The following ZNF562 variants were observed in gnomAD, a reference collection of about 807,000 sequenced individuals.
The protein encoded by ZNF562 is zinc finger protein 562.
Under a neutral mutation model 17.5 loss-of-function variants are expected in ZNF562, and 13 were observed. The observed-to-expected ratio is 0.74, with a 90% CI of 0.48 to 1.18. The LOEUF (loss-of-function observed/expected upper bound fraction) is 1.18, where lower values mean the gene tolerates loss of function less well. ZNF562 is among the 50% of genes most tolerant of loss of function. The pLI, the probability that ZNF562 is intolerant of heterozygous loss-of-function variation, is 0.00. For synonymous variants in ZNF562, 163 were observed against 165.4 expected (o/e 0.99, Z 0.11); for missense variants, 481 against 498.5 (o/e 0.96, Z 0.33).
intron 2 of ZNF562, among the ~76,000 whole-genome samples, chr19:9,659,875 C>G (rs1401634819): frequency 8.0e-6 from 1 of 125,248 alleles, no homozygotes; most frequent in African/African-American, 3.0e-5. Flanking sequence ...GCAAATCACT[C>G]GAGGTCAGGC....
In ZNF562 at chr19:9,659,395, C is replaced by T. The variant is rs144169734; in HGVS notation, c.98G>A (p.Arg33Gln). The T allele has an allele frequency of 2.3e-3, 3,514 of 1,551,158 alleles. 3 individuals are homozygous for T. Among genetic ancestry groups the T allele is most frequent in the Non-Finnish European group, 2.6e-3 (2,988 of 1,146,720 alleles). The part of the protein sequence containing the change: ...TKIGTMVEDH[R>Q]SNSYQDSVTF... ...TCTGTTTACCTGGTAAGAATTTGACCGGTGGTCCTCTACCATCGTTCCTAT... is the reference window on the plus strand; with the variant it reads ...TCTGTTTACCTGGTAAGAATTTGACTGGTGGTCCTCTACCATCGTTCCTAT... Residue 33 changes from arginine (R) to glutamine (Q), a missense_variant, in exon 3 of 6, where the codon CGG becomes CAG. Arg to Gln is a conservative substitution (Grantham distance 43, BLOSUM62 1). Coordinates refer to ENST00000453372, the MANE Select transcript of ZNF562 (RefSeq NM_001130031.2).
chr19:9,663,611 C>G (rs1011880258), intron 1 of ZNF562, among the ~76,000 whole-genome samples: 1 of 151,926 alleles, frequency 6.6e-6, no homozygotes, highest in South Asian at 2.1e-4. Flanking sequence ...CGGAGTCTTG[C>G]TCTTATCGCC....
chr19:9,659,757 T>C (rs981025743), intron 2 of ZNF562, among the ~76,000 whole-genome samples: 8 of 151,644 alleles, frequency 5.3e-5, no homozygotes, highest in Non-Finnish European at 1.2e-4. Context: ...ATGAAGCTTA[T>C]GTAGCATTTC....
chr19:9,648,755 G>A lies in ZNF562; in HGVS notation c.*4194C>T. On this transcript the variant is annotated 3_prime_UTR_variant, in exon 6 of 6. Coordinates refer to ENST00000453372, the MANE Select transcript of ZNF562 (RefSeq NM_001130031.2). Reference sequence around the variant, plus strand: ...TGGGCTCAGGCCACCCTCCCAAGTAGCTAAAACTATAGGCATGCATCACCA... The same window carrying A: ...TGGGCTCAGGCCACCCTCCCAAGTAACTAAAACTATAGGCATGCATCACCA... 6.6e-6 allele frequency: 1 copy of A among 151,490 alleles called. No individual in the cohort carries two copies. The highest frequency in any genetic ancestry group is 6.6e-5 in the Admixed American group (1 of 15,180). The allele number at this position is 151,490 out of a possible 1,614,324, so 9.4% of individuals were successfully genotyped here.
chr19:9,665,555 G>A (rs1364130289), intron 1 of ZNF562, among the ~76,000 whole-genome samples: 3 of 152,152 alleles, frequency 2.0e-5, no homozygotes. Flanking sequence ...AGCCCTGGGA[G>A]CAGCATACTG....
chr19:9,665,575 G>A (rs1288714781), intron 1 of ZNF562, among the ~76,000 whole-genome samples: 1 of 152,138 alleles, frequency 6.6e-6, no homozygotes, highest in African/African-American at 2.4e-5. Context: ...GTAGGGGTAT[G>A]CTACACAGGT....
At chr19:9,669,752 AC>A (rs2044104827) in intron 1 of ZNF562, among the ~76,000 whole-genome samples, 1 of 150,158 alleles carries the variant, frequency 6.7e-6, no homozygotes, top group Non-Finnish European at 1.5e-5. Context: ...ACACACACAC[AC>A]ACACACACAC....
intron 2 of ZNF562, among the ~76,000 whole-genome samples, chr19:9,660,037 C>G (rs1423165366): frequency 9.3e-6 from 1 of 107,056 alleles, no homozygotes; most frequent in Non-Finnish European, 1.7e-5. Context: ...TGCAATGAGT[C>G]AAGATCATGC....
Position 9,660,831 on chromosome 19 carries a change from T to C in ZNF562, c.-87A>G, listed in dbSNP as rs1464143167. On this transcript the variant is annotated 5_prime_UTR_variant, in exon 2 of 6. Transcript: ENST00000453372. The stretch of plus-strand genomic sequence containing the variant: ...AGGGCAGCTTATGAATCTAGGTGGA[T>C]ACAGGCAATCTCCATTCCCCTTTGT... 1 of 1,415,152 alleles carries C rather than the reference T, an allele frequency of 7.1e-7. No individual in the cohort carries two copies. Among genetic ancestry groups the C allele is most frequent in the Non-Finnish European group, 9.9e-7 (1 of 1,013,586 alleles). 87.7% of individuals were successfully genotyped at this position (1,415,152 alleles called of 1,614,324 possible).
chr19:9,669,728 GCGCGCGCACACACACACA>G (rs1274628872), intron 1 of ZNF562, among the ~76,000 whole-genome samples: 6 of 84,804 alleles, frequency 7.1e-5, no homozygotes, highest in South Asian at 3.6e-4. Context: ...GCGCGCGCGC[GCGCGCGCACACACACACA>G]CACACACACA....
In ZNF562 at chr19:9,658,152, A is replaced by C; in HGVS notation, c.115-17T>G. The stretch of plus-strand genomic sequence containing the variant: ...CACTGAATCCTAAGTCATCAAACAC[A>C]TGCTGGTTTGAGCCAATGAACACTT... On this transcript the variant is annotated splice_polypyrimidine_tract_variant and intron_variant, in intron 3 of 5. Transcript: ENST00000453372. 1.9e-6 allele frequency: 3 copies of C among 1,608,866 alleles called. No individual in the cohort carries two copies. In the Admixed American group the frequency reaches 5.1e-5, roughly 27 times the overall value.
chr19:9,651,083 T>C lies in ZNF562; in HGVS notation c.*1866A>G, dbSNP rs2074861098. ...TTGTCTGAGCTGACTAAGGCAGATA[T>C]TGGTACTGAGAAGTGAGGTACTGCA... On this transcript the variant is annotated 3_prime_UTR_variant, in exon 6 of 6. Coordinates refer to ENST00000453372, the MANE Select transcript of ZNF562 (RefSeq NM_001130031.2). 1 of 152,002 alleles carries C rather than the reference T, an allele frequency of 6.6e-6. No individual in the cohort carries two copies. Among genetic ancestry groups the C allele is most frequent in the Admixed American group, 6.6e-5 (1 of 15,256 alleles). The allele number at this position is 152,002 out of a possible 1,614,324, so 9.4% of individuals were successfully genotyped here. A position where few individuals can be genotyped will look rare whatever the true frequency, so the allele number is the denominator to read the frequency against.
intron 3 of ZNF562, 172 bp from the exon 4 acceptor site, chr19:9,658,307 A>T (rs2043598921): frequency 4.1e-6 from 4 of 984,756 alleles, no homozygotes; most frequent in Non-Finnish European, 4.8e-6. Context: ...ATCAAGGTTG[A>T]CCTCCTACAG....
In ZNF562 at chr19:9,657,286, C is replaced by T. The variant is rs147097775; in HGVS notation, c.242-633G>A. Among the ~76,000 whole-genome samples the T allele has an allele frequency of 5.7e-3, 852 of 149,780 alleles. 5 individuals are homozygous for T. The highest frequency in any genetic ancestry group is 8.7e-3 in the Admixed American group (131 of 15,000). On this transcript the variant is annotated intron_variant, in intron 4 of 5. Transcript: ENST00000453372. ...ACTTAACAAAAAAACAGAACAGCTTCGGGAAGCTGAGGCAGGAGAATGGCA... is the reference window on the plus strand; with the variant it reads ...ACTTAACAAAAAAACAGAACAGCTTTGGGAAGCTGAGGCAGGAGAATGGCA...
chr19:9,669,727 C>A (rs543179706), intron 1 of ZNF562, among the ~76,000 whole-genome samples: 1,142 of 92,348 alleles, frequency 0.012, 10 homozygotes, highest in African/African-American at 0.028. Context: ...AGCGCGCGCG[C>A]GCGCGCGCAC....
In ZNF562 at chr19:9,642,694, T is replaced by G. The variant is rs1383071852; in HGVS notation, c.*10255A>C. 6.6e-6 allele frequency: 1 copy of G among 151,938 alleles called. No individual in the cohort carries two copies. Among genetic ancestry groups the G allele is most frequent in the Non-Finnish European group, 1.5e-5 (1 of 68,008 alleles). 9.4% of individuals were successfully genotyped at this position (151,938 alleles called of 1,614,324 possible). ...CTTTGTATCAAATGGGTAATAAGAC[T>G]ATGTAACAGGAACAACACAACAACA... On this transcript the variant is annotated 3_prime_UTR_variant, in exon 6 of 6. Transcript: ENST00000453372.
Position 9,643,091 on chromosome 19 carries a change from C to T in ZNF562, c.*9858G>A, listed in dbSNP as rs2074783840. On this transcript the variant is annotated 3_prime_UTR_variant, in exon 6 of 6. Coordinates refer to ENST00000453372, the MANE Select transcript of ZNF562 (RefSeq NM_001130031.2). ...ACACCACCGGCCACTGTGGCTCATT[C>T]CTGTAATCCCAGCACTTTGGGAGGT... is the stretch of plus-strand genomic sequence containing the variant. The T allele has an allele frequency of 2.0e-5, 3 of 149,808 alleles. No individual in the cohort carries two copies. In the South Asian group the frequency reaches 6.3e-4, roughly 31 times the overall value. The allele number at this position is 149,808 out of a possible 1,614,324, so 9.3% of individuals were successfully genotyped here. A position where few individuals can be genotyped will look rare whatever the true frequency, so the allele number is the denominator to read the frequency against.
chr19:9,653,324 G>A lies in ZNF562; in HGVS notation c.906C>T (p.Ser302=). The A allele has an allele frequency of 1.9e-6, 3 of 1,614,066 alleles. No individual in the cohort carries two copies. Among genetic ancestry groups the A allele is most frequent in the Admixed American group, 1.7e-5 (1 of 60,012 alleles). The change falls in exon 6 of 6, where the codon TCC becomes TCT. Residue 302 remains serine, a synonymous_variant. Transcript: ENST00000453372. ...ECGRSFRNSS[S]FNVHIQIHTG... is the part of the protein sequence containing the mutation. ...TGTGAATTTGAATGTGAACATTAAA[G>A]GATGAGGAATTTCTAAAGGATCTTC...
Position 9,642,452 on chromosome 19 carries a change from T to C in ZNF562, c.*10497A>G, listed in dbSNP as rs1362389137. The C allele has an allele frequency of 1.3e-5, 2 of 152,008 alleles. No individual in the cohort carries two copies. Among genetic ancestry groups the C allele is most frequent in the Non-Finnish European group, 2.9e-5 (2 of 67,994 alleles). The allele number at this position is 152,008 out of a possible 1,614,324, so 9.4% of individuals were successfully genotyped here. ...CACATCCAGCTAATTTTTAAAAATA[T>C]ATTTTGTAGAGAAGAGATCTCTCTA... On this transcript the variant is annotated 3_prime_UTR_variant, in exon 6 of 6. Transcript: ENST00000453372.
Sources: gnomAD v4.1 joint callset for allele counts (sites outside exome capture counted in the v4.1 genomes callset) on GRCh38, gnomAD v4.1.1 for gene constraint, MANE v1.5 for transcripts, NCBI Gene and HGNC (gene_info 2026-07-23, HGNC 2026-07-21) for gene names.